ESR1: variants seen among roughly 807,000 people sequenced by gnomAD.
The protein encoded by ESR1 is estrogen receptor 1, also known as estrogen receptor.
A neutral mutation model predicts 52.7 loss-of-function variants in ESR1; 12 were observed. The observed-to-expected ratio is 0.23, with a 90% confidence interval of 0.15 to 0.37. ESR1 has a LOEUF of 0.37. ESR1 is among the 10% of genes least tolerant of loss of function. The probability of loss-of-function intolerance (pLI) is 1.00; values close to 1 mark genes in which losing one functional copy is unlikely to be tolerated. For missense variants in ESR1, 584 were observed against 779.7 expected, an observed-to-expected ratio of 0.75 and a Z score of 2.99; for synonymous variants, 305 against 316.8, an observed-to-expected ratio of 0.96 and a Z score of 0.39.
At chr6:151,855,685 A>G (rs542207213) in intron 2 of ESR1, among the ~76,000 whole-genome samples, 6 of 152,224 alleles carry the variant, frequency 3.9e-5, no homozygotes, top group Non-Finnish European at 8.8e-5. Flanking sequence ...AATGCACATT[A>G]AACAATAGAA....
At chr6:152,095,548 C>A (rs1184688604) in intron 7 of ESR1, among the ~76,000 whole-genome samples, 1 of 152,176 alleles carries the variant, frequency 6.6e-6, no homozygotes, top group Non-Finnish European at 1.5e-5. Flanking sequence ...AGAAAGTGAT[C>A]CTGTTTGGGC....
At chr6:151,987,630 CT>C (rs2040618208) in intron 4 of ESR1, among the ~76,000 whole-genome samples, 1 of 151,318 alleles carries the variant, frequency 6.6e-6, no homozygotes, top group African/African-American at 2.4e-5. Flanking sequence ...GATCACTTAC[CT>C]TTCCTCACAG....
intron 3 of ESR1, among the ~76,000 whole-genome samples, chr6:151,896,173 G>C (rs1795469518): frequency 6.6e-6 from 1 of 152,110 alleles, no homozygotes; most frequent in African/African-American, 2.4e-5. Flanking sequence ...TCTTGGTTTT[G>C]GTACAAGGGT....
At chr6:152,074,802 A>G (rs1024021882) in intron 6 of ESR1, among the ~76,000 whole-genome samples, 1 of 152,170 alleles carries the variant, frequency 6.6e-6, no homozygotes, top group African/African-American at 2.4e-5. Context: ...GTATTGTGGT[A>G]TCTCATTTTG....
At chr6:152,114,064 A>T (rs950245029) in intron 6 of ESR1, among the ~76,000 whole-genome samples, 7 of 152,168 alleles carry the variant, frequency 4.6e-5, no homozygotes, top group African/African-American at 1.7e-4. Context: ...CACCATAGGG[A>T]AGGTGTGGGA....
intron 3 of ESR1, among the ~76,000 whole-genome samples, chr6:151,883,285 A>G (rs1793265874): frequency 2.1e-5 from 2 of 94,118 alleles, no homozygotes; most frequent in South Asian, 6.0e-4. Context: ...ATACCCAGCT[A>G]ATTTTTGTGT....
chr6:151,968,127 A>G (rs1378371530), intron 4 of ESR1, among the ~76,000 whole-genome samples: 6 of 152,048 alleles, frequency 3.9e-5, no homozygotes, highest in Non-Finnish European at 8.8e-5. Flanking sequence ...CACACCTACA[A>G]CCATCTGATC....
At chr6:151,911,940 C>T (rs1018981084) in intron 3 of ESR1, among the ~76,000 whole-genome samples, 19 of 152,228 alleles carry the variant, frequency 1.2e-4, no homozygotes, top group Admixed American at 8.5e-4. Flanking sequence ...CTGCACGGTC[C>T]GGTAGGTAGC....
At chr6:151,744,983 G>A (rs562136783) in intron 2 of ESR1, among the ~76,000 whole-genome samples, 9 of 152,060 alleles carry the variant, frequency 5.9e-5, no homozygotes, top group Non-Finnish European at 1.0e-4. Context: ...CTTCCATTTT[G>A]TCTTGTCCAG....
chr6:152,019,262 A>T (rs910945927), intron 5 of ESR1, among the ~76,000 whole-genome samples: 2 of 152,196 alleles, frequency 1.3e-5, no homozygotes, highest in Admixed American at 6.5e-5. Context: ...ATCTCAAAAA[A>T]GGTGTTAAAC....
intron 3 of ESR1, among the ~76,000 whole-genome samples, chr6:151,934,813 A>G (rs1209674475): frequency 6.6e-6 from 1 of 152,266 alleles, no homozygotes; most frequent in African/African-American, 2.4e-5. Context: ...AAGAAACGTT[A>G]TAGCTGATAA....
chr6:152,040,620 A>T (rs1047818211), intron 5 of ESR1, among the ~76,000 whole-genome samples: 2 of 152,212 alleles, frequency 1.3e-5, no homozygotes, highest in African/African-American at 4.8e-5. Flanking sequence ...GTGCACAGCC[A>T]GGGGCACTGC....
Position 152,023,446 on chromosome 6 carries a change from G to T in ESR1, c.1235+11652G>T, listed in dbSNP as rs1032481393. ...TCATTTCATTTTGTCCTTTTTCTTT[G>T]TTTATTTTTGGCTAAAACATTTTAA... On this transcript the variant is annotated intron_variant, in intron 5 of 7. Transcript: ENST00000206249. 2.0e-5 allele frequency among the ~76,000 whole-genome samples: 3 copies of T among 151,876 alleles called. No homozygotes were observed. The South Asian group carries it at 6.2e-4, about 32-fold the overall frequency.
chr6:152,054,877 A>G (rs1431947618), intron 5 of ESR1, among the ~76,000 whole-genome samples: 1 of 152,174 alleles, frequency 6.6e-6, no homozygotes, highest in Non-Finnish European at 1.5e-5. Context: ...TTTACTGATC[A>G]TGCCAGTTGG....
chr6:151,682,518 T>A (rs530705004), intron 1 of ESR1, among the ~76,000 whole-genome samples: 2 of 152,312 alleles, frequency 1.3e-5, no homozygotes, highest in South Asian at 4.1e-4. Context: ...AAATGAGAAA[T>A]GACTATCCCA....
In ESR1 at chr6:152,094,160, T is replaced by C. The variant is rs1035276291; in HGVS notation, c.1370-225T>C. 6.6e-6 allele frequency among the ~76,000 whole-genome samples: 1 copy of C among 152,174 alleles called. No individual in the cohort carries two copies. Among genetic ancestry groups the C allele is most frequent in the African/African-American group, 2.4e-5 (1 of 41,434 alleles). On this transcript the variant is annotated intron_variant, in intron 6 of 7. Coordinates refer to ENST00000206249, the MANE Select transcript of ESR1 (RefSeq NM_000125.4). The surrounding 1 kb of genome is among the most constrained non-coding windows in gnomAD (Gnocchi z 4.6). ...TAACAGCCCCTTTCTGGGTCATGGC[T>C]CATACAAAGGAGCCCTCCTTGGTTT...
At chr6:152,125,136 T>C in intron 6 of ESR1, 8 of 1,046,694 alleles carry the variant, frequency 7.6e-6, no homozygotes, top group Non-Finnish European at 1.1e-5. Flanking sequence ...ATTCTACAGT[T>C]AAAGGAAGAG....
intron 2 of ESR1, among the ~76,000 whole-genome samples, chr6:151,746,290 CTT>C (rs993382845): frequency 2.0e-5 from 3 of 152,150 alleles, no homozygotes; most frequent in African/African-American, 4.8e-5. Flanking sequence ...AATTTTTCAA[CTT>C]ATCTTCTCGA....
chr6:151,803,105 C>A (rs560428811), upstream of ESR1, among the ~76,000 whole-genome samples: 1 of 152,150 alleles, frequency 6.6e-6, no homozygotes, highest in Admixed American at 6.5e-5. Flanking sequence ...AATAAATTAA[C>A]CAACATTTGT....
Sources: allele counts gnomAD v4.1 joint callset (sites outside exome capture counted in the v4.1 genomes callset), GRCh38; gene constraint gnomAD v4.1.1; non-coding constraint Gnocchi (gnomAD v3.1); transcripts MANE v1.5; gene names NCBI Gene and HGNC (gene_info 2026-07-23, HGNC 2026-07-21).